The following TMEM170B variants were observed in gnomAD, a reference collection of about 807,000 sequenced individuals.
The protein encoded by TMEM170B is transmembrane protein 170B.
A neutral mutation model predicts 13.0 loss-of-function variants in TMEM170B; 6 were observed. The observed-to-expected ratio is 0.46, with a 90% CI of 0.25 to 0.91. TMEM170B has a LOEUF of 0.91. TMEM170B is among the 40% of genes least tolerant of loss of function. The pLI is 0.17. For missense variants in TMEM170B, 138 were observed against 165.2 expected (o/e 0.84, Z 0.90); for synonymous variants, 61 against 64.9 (o/e 0.94, Z 0.29).
chr6:11,555,241 AAG>A (rs1759572875), intron 1 of TMEM170B, among the ~76,000 whole-genome samples: 2 of 152,060 alleles, frequency 1.3e-5, no homozygotes, highest in Admixed American at 6.5e-5. Context: ...AATTTCTGAT[AAG>A]AAGTTTCCTT....
intron 1 of TMEM170B, among the ~76,000 whole-genome samples, chr6:11,544,004 A>G (rs1182390405): frequency 6.6e-6 from 1 of 152,202 alleles, no homozygotes; most frequent in Non-Finnish European, 1.5e-5. Flanking sequence ...TACAGCCAGA[A>G]CGACTTAATT....
chr6:11,573,844 G>C (rs1759838728), intron 2 of TMEM170B, among the ~76,000 whole-genome samples: 1 of 152,086 alleles, frequency 6.6e-6, no homozygotes, highest in East Asian at 1.9e-4. Context: ...CATAATTTCT[G>C]ATAACAAAGG....
intron 2 of TMEM170B, among the ~76,000 whole-genome samples, chr6:11,573,435 A>G (rs1461318538): frequency 6.6e-6 from 1 of 152,172 alleles, no homozygotes; most frequent in East Asian, 1.9e-4. Context: ...TTGAGTACAT[A>G]CTAGGATCGT....
At position 11,578,130 on chromosome 6, in the gene TMEM170B, A is replaced by G. The variant is rs1759904447; in HGVS notation, c.*2569A>G. The G allele has an allele frequency of 6.6e-6, 1 of 152,126 alleles. No individual in the cohort carries two copies. The highest frequency in any genetic ancestry group is 1.5e-5 in the Non-Finnish European group (1 of 67,974). The allele number at this position is 152,126 out of a possible 1,614,324, so 9.4% of individuals were successfully genotyped here. A position where few individuals can be genotyped will look rare whatever the true frequency, so the allele number is the denominator to read the frequency against. On this transcript the variant is annotated 3_prime_UTR_variant, in exon 3 of 3. Transcript: ENST00000379426. ...TGAACACTTTCATGTTCTAGTGGAA[A>G]ATTTGTTCAGTGTAATGATCTTTTA...
In TMEM170B at chr6:11,554,299, A is replaced by T. The variant is rs563353613; in HGVS notation, c.98-11367A>T. ...GAATCAAAAAATGTTTTTTTGTATG[A>T]TACATACAATTTAAGATACTTGAGG... On this transcript the variant is annotated intron_variant, in intron 1 of 2. Transcript: ENST00000379426. Among the ~76,000 whole-genome samples, 4 of 152,004 alleles carry T rather than the reference A, an allele frequency of 2.6e-5. No homozygotes were observed. In the South Asian group the frequency reaches 8.3e-4, roughly 32 times the overall value.
intron 1 of TMEM170B, among the ~76,000 whole-genome samples, chr6:11,550,887 C>T (rs961045115): frequency 3.3e-5 from 5 of 152,114 alleles, no homozygotes; most frequent in African/African-American, 7.2e-5. Context: ...AAATACATAG[C>T]GACTATTTTC....
At position 11,576,758 on chromosome 6, in the gene TMEM170B, A is replaced by G. The variant is rs1222806108; in HGVS notation, c.*1197A>G. On this transcript the variant is annotated 3_prime_UTR_variant, in exon 3 of 3. Transcript: ENST00000379426. ...TTAAAATTTGGCAATTAGTCTCAGCATATCAATGCAGTACTGAGCGTGTAT... is the reference window on the plus strand; with the variant it reads ...TTAAAATTTGGCAATTAGTCTCAGCGTATCAATGCAGTACTGAGCGTGTAT... 6.6e-6 allele frequency: 1 copy of G among 152,166 alleles called. No individual in the cohort carries two copies. Among genetic ancestry groups the G allele is most frequent in the African/African-American group, 2.4e-5 (1 of 41,460 alleles). 9.4% of individuals were successfully genotyped at this position (152,166 alleles called of 1,614,324 possible).
chr6:11,561,123 C>T (rs1244873863), intron 1 of TMEM170B, among the ~76,000 whole-genome samples: 3 of 152,144 alleles, frequency 2.0e-5, no homozygotes. Flanking sequence ...AAAGGAATTT[C>T]TGAGATACGT....
chr6:11,561,216 A>G (rs1170866291), intron 1 of TMEM170B, among the ~76,000 whole-genome samples: 1 of 152,092 alleles, frequency 6.6e-6, no homozygotes, highest in East Asian at 1.9e-4. Context: ...GTTTTTTTGT[A>G]TTACATTTTT....
chr6:11,545,774 G>A (rs1219158058), intron 1 of TMEM170B, among the ~76,000 whole-genome samples: 3 of 151,652 alleles, frequency 2.0e-5, no homozygotes, highest in Admixed American at 1.3e-4. Flanking sequence ...TTGGGAGGCC[G>A]AGGCAGGTGG....
chr6:11,564,614 T>G (rs1482259778), intron 1 of TMEM170B, among the ~76,000 whole-genome samples: 1 of 152,162 alleles, frequency 6.6e-6, no homozygotes, highest in East Asian at 1.9e-4. Flanking sequence ...AAAGAGGGAT[T>G]TTATTAAATG....
At chr6:11,550,034 C>T (rs1018633739) in intron 1 of TMEM170B, among the ~76,000 whole-genome samples, 7 of 152,176 alleles carry the variant, frequency 4.6e-5, no homozygotes, top group African/African-American at 1.7e-4. Context: ...GACGGGGTCT[C>T]GCTGTGTTGC....
At chr6:11,551,258 C>T (rs1054835822) in intron 1 of TMEM170B, among the ~76,000 whole-genome samples, 6 of 152,164 alleles carry the variant, frequency 3.9e-5, no homozygotes, top group Non-Finnish European at 7.3e-5. Context: ...GAAACCAAAA[C>T]AGAAGCCACA....
Position 11,559,216 on chromosome 6 carries a change from C to T in TMEM170B, c.98-6450C>T, listed in dbSNP as rs147137745. On this transcript the variant is annotated intron_variant, in intron 1 of 2. Coordinates refer to ENST00000379426, the MANE Select transcript of TMEM170B (RefSeq NM_001100829.3). ...TCTTTTCTTTTTTTTTTTTTTGAGA[C>T]GGGGTTTCACTCTGTCACCCAGGCT... Among the ~76,000 whole-genome samples the T allele has an allele frequency of 6.8e-3, 966 of 141,314 alleles. 40 individuals are homozygous for T. The highest frequency in any genetic ancestry group is 0.053 in the Admixed American group (736 of 13,890). 92.7% of individuals were successfully genotyped at this position (141,314 alleles called of 152,430 possible).
intron 1 of TMEM170B, among the ~76,000 whole-genome samples, chr6:11,542,454 C>G (rs1256679036): frequency 6.6e-6 from 1 of 152,086 alleles, no homozygotes; most frequent in Non-Finnish European, 1.5e-5. Context: ...TTGGACCTTG[C>G]CATTTCATAA....
chr6:11,576,977 G>A lies in TMEM170B; in HGVS notation c.*1416G>A, dbSNP rs1359164637. On this transcript the variant is annotated 3_prime_UTR_variant, in exon 3 of 3. Transcript: ENST00000379426. ...CTGGTCTCCTAATGAGATTTTTTTTGGCACCAGATACAATTATAATGTGCT... is the reference window on the plus strand; with the variant it reads ...CTGGTCTCCTAATGAGATTTTTTTTAGCACCAGATACAATTATAATGTGCT... The A allele has an allele frequency of 6.6e-6, 1 of 151,866 alleles. No individual in the cohort carries two copies. Among genetic ancestry groups the A allele is most frequent in the Non-Finnish European group, 1.5e-5 (1 of 67,908 alleles). 9.4% of individuals were successfully genotyped at this position (151,866 alleles called of 1,614,324 possible).
chr6:11,573,530 C>T (rs1321104795), intron 2 of TMEM170B, among the ~76,000 whole-genome samples: 1 of 152,150 alleles, frequency 6.6e-6, no homozygotes, highest in Non-Finnish European at 1.5e-5. Context: ...GCATGGGAGG[C>T]TGTGATTGTC....
chr6:11,540,174 G>A (rs1255969211), intron 1 of TMEM170B, among the ~76,000 whole-genome samples: 1 of 152,204 alleles, frequency 6.6e-6, no homozygotes, highest in Non-Finnish European at 1.5e-5. Context: ...AGATTGGGAT[G>A]ATGGCAGTTT....
chr6:11,555,430 T>C (rs1422633473), intron 1 of TMEM170B, among the ~76,000 whole-genome samples: 1 of 152,146 alleles, frequency 6.6e-6, no homozygotes, highest in Non-Finnish European at 1.5e-5. Flanking sequence ...GGTATTTATC[T>C]TAGGATTCTG....
Sources: allele counts gnomAD v4.1 joint callset (sites outside exome capture counted in the v4.1 genomes callset), GRCh38; gene constraint gnomAD v4.1.1; transcripts MANE v1.5; gene names NCBI Gene and HGNC (gene_info 2026-07-23, HGNC 2026-07-21).